Variants in MED21 observed in about 807,000 individuals in gnomAD.
MED21 encodes mediator complex subunit 21, also known as mediator of RNA polymerase II transcription subunit 21.
A neutral mutation model predicts 18.2 loss-of-function variants in MED21; 9 were observed. The ratio of observed to expected loss-of-function variants is 0.49; its 90% CI spans 0.30 to 0.86. The LOEUF is 0.86. Ranked by LOEUF, MED21 falls within the 40% of genes least tolerant of loss-of-function variation. MED21 has a pLI of 0.07. For missense variants in MED21, 150 were observed against 170.9 expected (o/e 0.88, Z 0.68); for synonymous variants, 73 against 60.5 (o/e 1.21, Z -0.96).
chr12:27,032,136 T>G (rs1941624051), downstream of MED21, among the ~76,000 whole-genome samples: 1 of 152,188 alleles, frequency 6.6e-6, no homozygotes, highest in Non-Finnish European at 1.5e-5. Context: ...TTCTCTCTAT[T>G]CTTGAAGGAC....
At chr12:27,035,767 CTCA>C (rs1037861438) in intron 2 of MED21, among the ~76,000 whole-genome samples, 14 of 151,792 alleles carry the variant, frequency 9.2e-5, no homozygotes. Context: ...AGGACATGAA[CTCA>C]TCATTGTTTA....
At chr12:27,022,915 C>A in intron 1 of MED21, 1 of 1,293,378 alleles carries the variant, frequency 7.7e-7, no homozygotes, top group South Asian at 1.5e-5. Context: ...CTGTCGTGTT[C>A]CCTGAGGACA....
chr12:27,027,056 G>A (rs1027728488), intron 2 of MED21, among the ~76,000 whole-genome samples: 1 of 152,148 alleles, frequency 6.6e-6, no homozygotes, highest in African/African-American at 2.4e-5. Context: ...AGCCTCCTGA[G>A]TAGCTGGGAT....
downstream of MED21, among the ~76,000 whole-genome samples, chr12:27,035,279 A>G (rs1941642927): frequency 6.6e-6 from 1 of 152,160 alleles, no homozygotes; most frequent in South Asian, 2.1e-4. Flanking sequence ...TTTATTAATG[A>G]GAATAGTGAG....
chr12:27,032,868 G>C (rs1941628738), downstream of MED21, among the ~76,000 whole-genome samples: 2 of 152,062 alleles, frequency 1.3e-5, no homozygotes, highest in Admixed American at 6.6e-5. Flanking sequence ...TCCACCTTCA[G>C]CCTGAGCCAG....
intron 1 of MED21, chr12:27,023,000 T>A: frequency 1.2e-6 from 1 of 820,404 alleles, no homozygotes; most frequent in Non-Finnish European, 1.6e-6. Context: ...GGAGCTTTTT[T>A]CTTTCCTCAT....
intron 1 of MED21, among the ~76,000 whole-genome samples, chr12:27,023,848 A>G (rs959545255): frequency 2.6e-5 from 4 of 151,784 alleles, no homozygotes; most frequent in African/African-American, 7.3e-5. Flanking sequence ...AAATAACGAT[A>G]AAACAGTAAT....
chr12:27,026,707 A>G (rs1941549735), intron 2 of MED21, among the ~76,000 whole-genome samples, 173 bp downstream of exon 2: 3 of 152,186 alleles, frequency 2.0e-5, no homozygotes, highest in Admixed American at 6.5e-5. Flanking sequence ...CTAACATCTC[A>G]TAATTCTGGT....
rs750118287 is a variant in MED21, at chr12:27,027,351, TGCCCA to T, written c.165_169del (p.Gln56PhefsTer13). Reference sequence around the variant, plus strand: ...TCTAGCAGTATCTTTCTCTAGAGTATGCCCAGCTTTTTGCAGCACTGATTGCACGA... The same window carrying T: ...TCTAGCAGTATCTTTCTCTAGAGTATGCTTTTTGCAGCACTGATTGCACGA... On this transcript the variant is annotated frameshift_variant, in exon 3 of 4. Transcript: ENST00000282892. LOFTEE classifies it high-confidence loss of function. The T allele has an allele frequency of 2.5e-6, 4 of 1,611,392 alleles. No individual in the cohort carries two copies. The African/African-American group carries it at 5.3e-5, about 22-fold the overall frequency.
chr12:27,027,546 A>G (rs998647819), intron 3 of MED21, 99 bp downstream of exon 3: 13 of 779,816 alleles, frequency 1.7e-5, no homozygotes, highest in South Asian at 3.3e-5. Context: ...TTGTGCTGCT[A>G]TAACAACATA....
intron 2 of MED21, chr12:27,037,635 C>G (rs1160379391): frequency 6.6e-6 from 1 of 152,126 alleles, no homozygotes; most frequent in Non-Finnish European, 1.5e-5. Flanking sequence ...TGTTTAATCT[C>G]AGGAATGCAT....
intron 1 of MED21, among the ~76,000 whole-genome samples, chr12:27,023,754 C>T (rs987930829): frequency 1.3e-5 from 2 of 152,102 alleles, no homozygotes; most frequent in African/African-American, 4.8e-5. Flanking sequence ...GTCATGGGCC[C>T]CTAATGAAGG....
intron 1 of MED21, among the ~76,000 whole-genome samples, chr12:27,025,344 G>C (rs1427640648): frequency 6.6e-6 from 1 of 152,176 alleles, no homozygotes; most frequent in East Asian, 1.9e-4. Context: ...TGAAGGAGTA[G>C]TGGAAAACGA....
chr12:27,037,053 T>C (rs1399488221), intron 2 of MED21: 1 of 152,106 alleles, frequency 6.6e-6, no homozygotes, highest in East Asian at 1.9e-4. Context: ...TTCACAATAT[T>C]GATTCTTCCT....
intron 1 of MED21, among the ~76,000 whole-genome samples, chr12:27,024,278 C>G (rs958069597): frequency 6.8e-6 from 1 of 145,990 alleles, no homozygotes; most frequent in African/African-American, 2.4e-5. Flanking sequence ...ACCTAAGTAC[C>G]TGGTTTCCTT....
downstream of MED21, among the ~76,000 whole-genome samples, chr12:27,034,246 T>C (rs1010277541): frequency 1.3e-5 from 2 of 151,958 alleles, no homozygotes; most frequent in Non-Finnish European, 2.9e-5. Context: ...AGAAACCCCG[T>C]CTCTACTAAA....
Position 27,026,476 on chromosome 12 carries a change from C to G in MED21, c.99C>G (p.Ala33=). Residue 33 remains alanine (A), a synonymous_variant, in exon 2 of 4, where the codon GCC becomes GCG. Transcript: ENST00000282892. ...IGVLQQCGPP[A]SFNNIQTAIN... ...TATTGCAGCAATGTGGTCCTCCTGC[C>G]TCTTTCAATAATATTCAGACAGCAA... is the stretch of plus-strand genomic sequence containing the variant. 6.2e-7 allele frequency: 1 copy of G among 1,613,948 alleles called. No homozygotes were observed. Among genetic ancestry groups the G allele is most frequent in the Non-Finnish European group, 8.5e-7 (1 of 1,179,942 alleles).
At chr12:27,036,948 T>C (rs1368627419) in intron 2 of MED21, among the ~76,000 whole-genome samples, 1 of 152,206 alleles carries the variant, frequency 6.6e-6, no homozygotes, top group African/African-American at 2.4e-5. Context: ...ATATGAACTT[T>C]AAAGTAGTTT....
At chr12:27,031,095 CG>C (rs1269705974), downstream of MED21, among the ~76,000 whole-genome samples, 6 of 151,910 alleles carry the variant, frequency 3.9e-5, no homozygotes, top group African/African-American at 1.5e-4. Context: ...TTAGTAGAGA[CG>C]GGGTTTCTCC....
Sources: allele counts gnomAD v4.1 joint callset (sites outside exome capture counted in the v4.1 genomes callset), GRCh38; gene constraint gnomAD v4.1.1; transcripts MANE v1.5; gene names NCBI Gene and HGNC (gene_info 2026-07-23, HGNC 2026-07-21).